FAM193A: variants seen among roughly 807,000 people sequenced by gnomAD.
The protein encoded by FAM193A is family with sequence similarity 193 member A.
Under a neutral mutation model 126.5 loss-of-function variants are expected in FAM193A, and 22 were observed. The ratio of observed to expected loss-of-function variants is 0.17; its 90% CI spans 0.12 to 0.25. The LOEUF (loss-of-function observed/expected upper bound fraction) is 0.25. Ranked by LOEUF, FAM193A falls within the 10% of genes least tolerant of loss-of-function variation. The pLI is 1.00. For missense variants in FAM193A, 1,675 were observed against 1,672.8 expected, an observed-to-expected ratio of 1.00 and a Z score of -0.02; for synonymous variants, 761 against 646.8, an observed-to-expected ratio of 1.18 and a Z score of -2.68.
At position 2,651,339 on chromosome 4, in the gene FAM193A, A is replaced by T. The variant is rs1335655884; in HGVS notation, c.1311+4507A>T. On this transcript the variant is annotated intron_variant, in intron 7 of 20. Coordinates refer to ENST00000637812, the MANE Select transcript of FAM193A (RefSeq NM_001366318.2). ...GAGTGAAACTCTGTCTCAAAAAAAA[A>T]CCAATAAAACAAAAAACCTACCTGA... Among the ~76,000 whole-genome samples, 3 of 152,126 alleles carry T rather than the reference A, an allele frequency of 2.0e-5. No individual in the cohort carries two copies. In the South Asian group the frequency reaches 6.2e-4, roughly 32 times the overall value.
chr4:2,725,426 G>A (rs924759815), intron 20 of FAM193A, among the ~76,000 whole-genome samples: 6 of 136,256 alleles, frequency 4.4e-5, no homozygotes, highest in Admixed American at 7.5e-5. Flanking sequence ...CTCCAGCCTG[G>A]GCAACAGAGT....
intron 2 of FAM193A, among the ~76,000 whole-genome samples, chr4:2,623,179 C>CTT (rs1314740790): frequency 6.7e-6 from 1 of 149,616 alleles, no homozygotes. Context: ...CCCCTGCTGT[C>CTT]TTTTTTTTTT....
At chr4:2,571,324 G>A (rs1020414263) in intron 1 of FAM193A, among the ~76,000 whole-genome samples, 5 of 152,198 alleles carry the variant, frequency 3.3e-5, no homozygotes, top group Non-Finnish European at 5.9e-5. Flanking sequence ...GAGAGGGCAG[G>A]TTCTAGAGTA....
At chr4:2,725,530 C>T (rs1720645321) in intron 20 of FAM193A, among the ~76,000 whole-genome samples, 1 of 151,408 alleles carries the variant, frequency 6.6e-6, no homozygotes, top group Non-Finnish European at 1.5e-5. Context: ...CCTACCCCTT[C>T]CCCCACCTCA....
chr4:2,537,158 A>C lies in FAM193A; in HGVS notation c.243A>C (p.Gly81=). The C allele has an allele frequency of 5.3e-6, 1 of 188,594 alleles. No individual in the cohort carries two copies. The highest frequency in any genetic ancestry group is 1.9e-3 in the Middle Eastern group (1 of 516). The allele number at this position is 188,594 out of a possible 1,614,324, so 11.7% of individuals were successfully genotyped here. Residue 81 remains glycine (G), a synonymous_variant, in exon 1 of 21, where the codon GGA becomes GGC. Transcript: ENST00000637812. ...AGASAGGAAP[G]GYFETPFSFG... ...CGAGCGCGGGCGGCGCCGCCCCCGG[A>C]GGCTACTTCGAGGTAAGCGGCGGCA...
chr4:2,648,357 G>C (rs924256851), intron 7 of FAM193A, among the ~76,000 whole-genome samples: 1 of 152,226 alleles, frequency 6.6e-6, no homozygotes, highest in Non-Finnish European at 1.5e-5. Context: ...AGGGTGAGGA[G>C]GGGCCTCAGA....
chr4:2,580,037 A>G (rs150791584), intron 1 of FAM193A, among the ~76,000 whole-genome samples: 23 of 152,338 alleles, frequency 1.5e-4, no homozygotes, highest in East Asian at 7.7e-4. Flanking sequence ...CCAAATGCCC[A>G]TCAATGATAG....
Position 2,700,058 on chromosome 4 carries a change from G to A in FAM193A, c.3886G>A (p.Ala1296Thr). The A allele has an allele frequency of 1.2e-6, 2 of 1,613,984 alleles. No homozygotes were observed. The highest frequency in any genetic ancestry group is 8.5e-7 in the Non-Finnish European group (1 of 1,180,012). ...PRPGLGADGD[A>T]ADPVDTRDSK... ...GCCAGGGCTAGGGGCTGATGGGGAT[G>A]CTGCAGACCCCGTCGACACCAGAGA... Residue 1296 changes from alanine (A) to threonine (T), a missense_variant, in exon 19 of 21, where the codon GCT becomes ACT. Ala to Thr is a moderately conservative substitution (Grantham distance 58). Coordinates refer to ENST00000637812, the MANE Select transcript of FAM193A (RefSeq NM_001366318.2).
Position 2,706,372 on chromosome 4 carries a change from C to G in FAM193A, c.4372+5828C>G, listed in dbSNP as rs1472207538. On this transcript the variant is annotated intron_variant, in intron 19 of 20. Coordinates refer to ENST00000637812, the MANE Select transcript of FAM193A (RefSeq NM_001366318.2). ...AGTACAATGGCATGATCTCAGCTCA[C>G]TGCAACCCCTGCCTCCTGGGTTCAA... Among the ~76,000 whole-genome samples, 10 of 146,980 alleles carry G rather than the reference C, an allele frequency of 6.8e-5. No individual in the cohort carries two copies. In the South Asian group the frequency reaches 2.2e-3, roughly 32 times the overall value.
At chr4:2,730,062 C>T (rs986261019) in intron 20 of FAM193A, among the ~76,000 whole-genome samples, 23 of 152,266 alleles carry the variant, frequency 1.5e-4, no homozygotes, top group African/African-American at 5.3e-4. Flanking sequence ...ATGTGTACTG[C>T]CACTCCTGGC....
chr4:2,610,445 A>G (rs989165435), intron 2 of FAM193A, among the ~76,000 whole-genome samples: 3 of 152,204 alleles, frequency 2.0e-5, no homozygotes, highest in African/African-American at 4.8e-5. Flanking sequence ...AGTGAACTTC[A>G]TGAAAGTAGT....
At chr4:2,552,843 C>A (rs115332314) in intron 1 of FAM193A, among the ~76,000 whole-genome samples, 2,951 of 130,508 alleles carry the variant, frequency 0.023, 119 homozygotes, top group African/African-American at 0.084. Context: ...GGCCACAGAA[C>A]TTTCTTTTTT....
intron 1 of FAM193A, among the ~76,000 whole-genome samples, chr4:2,586,441 C>G (rs2108888257): frequency 6.6e-6 from 1 of 151,530 alleles, no homozygotes; most frequent in South Asian, 2.1e-4. Context: ...TTTTTTTCCC[C>G]CCGGTTTGGG....
chr4:2,690,562 A>T (rs952856069), intron 14 of FAM193A, 136 bp from the exon 15 acceptor site: 8 of 747,188 alleles, frequency 1.1e-5, no homozygotes, highest in Non-Finnish European at 1.8e-5. Context: ...AAGCTAGTTG[A>T]CTTAGTGTCA....
intron 14 of FAM193A, 72 bp from the exon 15 acceptor site, chr4:2,690,626 C>A: frequency 7.1e-7 from 1 of 1,401,136 alleles, no homozygotes. Context: ...GTTCAGTCAT[C>A]AGCATGTCTT....
intron 19 of FAM193A, among the ~76,000 whole-genome samples, chr4:2,713,956 T>A (rs1719270383): frequency 6.6e-6 from 1 of 152,222 alleles, no homozygotes; most frequent in Non-Finnish European, 1.5e-5. Context: ...CCAAATTGGT[T>A]AAAGTTGTGT....
chr4:2,663,114 T>G lies in FAM193A; in HGVS notation c.1905T>G (p.Pro635=). ...ACAAAAGATTGTCTTTAAAGTCTCC[T>G]CAGATAAGCAGTACCAGCAGTAGTT... ...GENMALKDES[P]QISSTSSSSS... is the part of the protein sequence containing the mutation. Residue 635 remains proline (P), a synonymous_variant, in exon 12 of 21, where the codon CCT becomes CCG. Transcript: ENST00000637812. The G allele has an allele frequency of 6.2e-7, 1 of 1,612,214 alleles. No homozygotes were observed. The highest frequency in any genetic ancestry group is 8.5e-7 in the Non-Finnish European group (1 of 1,179,108).
chr4:2,565,968 A>T lies in FAM193A; in HGVS notation c.255+28798A>T, dbSNP rs142467211. 2.1e-3 allele frequency among the ~76,000 whole-genome samples: 318 copies of T among 152,354 alleles called. 1 individual carries two copies. The highest frequency in any genetic ancestry group is 2.2e-3 in the Admixed American group (34 of 15,304). ...GGCTGTCAGTAGAAAGCTATCTAGC[A>T]AATCCAGTATTTTTGAGAAAAAGAA... On this transcript the variant is annotated intron_variant, in intron 1 of 20. Transcript: ENST00000637812.
chr4:2,695,654 A>G (rs1354866337), intron 17 of FAM193A, among the ~76,000 whole-genome samples: 4 of 152,242 alleles, frequency 2.6e-5, no homozygotes, highest in African/African-American at 7.2e-5. Flanking sequence ...ATGTTTTTAT[A>G]GCAAGAAATT....
Sources: gnomAD v4.1 joint callset for allele counts (sites outside exome capture counted in the v4.1 genomes callset) on GRCh38, gnomAD v4.1.1 for gene constraint, MANE v1.5 for transcripts, NCBI Gene and HGNC (gene_info 2026-07-23, HGNC 2026-07-21) for gene names.